Variants in NKAIN3 observed in about 807,000 individuals in gnomAD.
NKAIN3 encodes sodium/potassium transporting ATPase interacting 3, also known as sodium/potassium-transporting ATPase subunit beta-1-interacting protein 3.
In NKAIN3, 25 loss-of-function variants were observed where a neutral mutation model predicts 30.2. The ratio of observed to expected loss-of-function variants is 0.83; its 90% CI spans 0.60 to 1.16. The LOEUF is 1.16. NKAIN3 is among the 50% of genes most tolerant of loss of function. The pLI is 0.00. For missense variants in NKAIN3, 225 were observed against 254.1 expected (o/e 0.89, Z 0.78); for synonymous variants, 91 against 89.6 (o/e 1.02, Z -0.09).
chr8:62,747,634 C>T (rs116313074), intron 4 of NKAIN3, among the ~76,000 whole-genome samples: 8 of 152,092 alleles, frequency 5.3e-5, no homozygotes, highest in South Asian at 2.1e-4. Flanking sequence ...TATACAGAAA[C>T]GAGAAGGAAA....
rs142702894 is a variant in NKAIN3, at chr8:62,973,306, T to C, written c.*7899T>C. 1.3e-5 allele frequency among the ~76,000 whole-genome samples: 2 copies of C among 152,230 alleles called. No individual in the cohort carries two copies. Among genetic ancestry groups the C allele is most frequent in the South Asian group, 4.1e-4 (2 of 4,832 alleles). On this transcript the variant is annotated 3_prime_UTR_variant, in exon 7 of 7. Coordinates refer to ENST00000623646, the MANE Select transcript of NKAIN3 (RefSeq NM_001304533.3). ...CCACCAACAGTGTTAAAAGCATTCC[T>C]ATTTCTCCACATCCTCTCCAGCCTC...
chr8:62,814,555 C>T (rs1055156614), intron 4 of NKAIN3, among the ~76,000 whole-genome samples: 1 of 151,944 alleles, frequency 6.6e-6, no homozygotes, highest in African/African-American at 2.4e-5. Flanking sequence ...TGCAATCAAA[C>T]TAGAACTCAG....
chr8:62,360,556 C>T (rs1296266491), intron 1 of NKAIN3, among the ~76,000 whole-genome samples: 1 of 152,120 alleles, frequency 6.6e-6, no homozygotes, highest in Non-Finnish European at 1.5e-5. Context: ...CATTTTAAGT[C>T]TCAGAAAAGC....
intron 1 of NKAIN3, among the ~76,000 whole-genome samples, chr8:62,564,914 T>C (rs1313997833): frequency 1.3e-5 from 2 of 152,178 alleles, no homozygotes; most frequent in Admixed American, 6.6e-5. Context: ...TATTTCACCA[T>C]TCAGAGGTAA....
At chr8:62,919,257 T>A (rs1352103233) in intron 5 of NKAIN3, among the ~76,000 whole-genome samples, 8 of 119,658 alleles carry the variant, frequency 6.7e-5, no homozygotes, top group Non-Finnish European at 1.0e-4. Flanking sequence ...TTTTTTTTTT[T>A]TTTTTGAGAC....
intron 4 of NKAIN3, among the ~76,000 whole-genome samples, chr8:62,842,024 G>A (rs1324157001): frequency 6.6e-6 from 1 of 151,990 alleles, no homozygotes; most frequent in East Asian, 1.9e-4. Flanking sequence ...TAGATATCTT[G>A]TTGTGGTTTT....
At position 62,423,652 on chromosome 8, in the gene NKAIN3, A is replaced by G. The variant is rs186039945; in HGVS notation, c.55-155887A>G. The stretch of plus-strand genomic sequence containing the variant: ...CCAGGTCTATCCAATCTTTAAATAA[A>G]AATTAAGATTATTTTTCAGCTGTGA... On this transcript the variant is annotated intron_variant, in intron 1 of 6. Coordinates refer to ENST00000623646, the MANE Select transcript of NKAIN3 (RefSeq NM_001304533.3). Among the ~76,000 whole-genome samples the G allele has an allele frequency of 3.5e-3, 539 of 152,004 alleles. 4 individuals carry two copies. The highest frequency in any genetic ancestry group is 0.013 in the African/African-American group (526 of 41,514).
intron 1 of NKAIN3, among the ~76,000 whole-genome samples, chr8:62,268,327 C>T (rs1486414847): frequency 6.6e-6 from 1 of 152,164 alleles, no homozygotes; most frequent in Non-Finnish European, 1.5e-5. Flanking sequence ...GAAGACTGTT[C>T]ATACTTCTTT....
chr8:62,644,614 T>C (rs1248689261), intron 3 of NKAIN3, among the ~76,000 whole-genome samples: 1 of 152,158 alleles, frequency 6.6e-6, no homozygotes. Context: ...TAATGAAGTC[T>C]GTGGAAAGGA....
chr8:62,604,100 G>T (rs16929260), intron 3 of NKAIN3, among the ~76,000 whole-genome samples: 2 of 152,046 alleles, frequency 1.3e-5, no homozygotes, highest in African/African-American at 4.8e-5. Flanking sequence ...AAACAGGAGA[G>T]ATTCCATCCT....
At chr8:62,606,955 A>G (rs1347627742) in intron 3 of NKAIN3, among the ~76,000 whole-genome samples, 2 of 152,186 alleles carry the variant, frequency 1.3e-5, no homozygotes. Context: ...CAAGAGCATT[A>G]TATTAATTTT....
intron 1 of NKAIN3, among the ~76,000 whole-genome samples, chr8:62,389,171 C>T (rs891238654): frequency 2.0e-5 from 3 of 152,154 alleles, no homozygotes; most frequent in Non-Finnish European, 2.9e-5. Flanking sequence ...GCTGCAATGT[C>T]ATAACATGTA....
At chr8:62,586,591 G>A (rs73257104) in intron 2 of NKAIN3, among the ~76,000 whole-genome samples, 3,095 of 152,120 alleles carry the variant, frequency 0.02, 115 homozygotes, top group African/African-American at 0.071. Flanking sequence ...GCAAATTGAT[G>A]TGTATATGAA....
chr8:62,306,098 G>A (rs779607983), intron 1 of NKAIN3, among the ~76,000 whole-genome samples: 1 of 150,550 alleles, frequency 6.6e-6, no homozygotes, highest in Non-Finnish European at 1.5e-5. Context: ...AGTATTAGTT[G>A]TACACCATTT....
chr8:62,272,844 T>G (rs1812819418), intron 1 of NKAIN3, among the ~76,000 whole-genome samples: 1 of 152,236 alleles, frequency 6.6e-6, no homozygotes, highest in South Asian at 2.1e-4. Flanking sequence ...GGCATTAATT[T>G]TTTTAAAATT....
At chr8:62,316,613 A>AT (rs1223816440) in intron 1 of NKAIN3, among the ~76,000 whole-genome samples, 4 of 152,010 alleles carry the variant, frequency 2.6e-5, no homozygotes, top group South Asian at 2.1e-4. Context: ...TGAACTCATC[A>AT]TTTTTTATGG....
At position 62,595,436 on chromosome 8, in the gene NKAIN3, A is replaced by T. The variant is rs1204492511; in HGVS notation, c.273+5642A>T. Among the ~76,000 whole-genome samples the T allele has an allele frequency of 6.4e-5, 8 of 125,036 alleles. No homozygotes were observed. The Admixed American group carries it at 6.6e-4, about 10-fold the overall frequency. The allele number at this position is 125,036 out of a possible 152,430, so 82.0% of individuals were successfully genotyped here. On this transcript the variant is annotated intron_variant, in intron 3 of 6. Coordinates refer to ENST00000623646, the MANE Select transcript of NKAIN3 (RefSeq NM_001304533.3). ...AGATTTAATAGAGTGAAATAGAGTG[A>T]AAACAGAGCTCCCATACAAAGGGAG... is the stretch of plus-strand genomic sequence containing the variant.
At chr8:62,555,011 T>TACACACACACACACACACAC (rs59610407) in intron 1 of NKAIN3, among the ~76,000 whole-genome samples, 3 of 145,034 alleles carry the variant, frequency 2.1e-5, no homozygotes, top group African/African-American at 7.7e-5. Flanking sequence ...GCAGAATCTA[T>TACACACACACACACACACAC]ACACACACAC....
intron 1 of NKAIN3, among the ~76,000 whole-genome samples, chr8:62,431,646 C>G (rs10464902): frequency 0.7 from 105,620 of 151,556 alleles, 37,107 homozygotes; most frequent in Non-Finnish European, 0.73. Flanking sequence ...GCTTGTATCT[C>G]AAAAGCGTTA....
Sources: allele counts gnomAD v4.1 joint callset (sites outside exome capture counted in the v4.1 genomes callset), GRCh38; gene constraint gnomAD v4.1.1; transcripts MANE v1.5; gene names NCBI Gene and HGNC (gene_info 2026-07-23, HGNC 2026-07-21).